STK25: variants seen among roughly 807,000 people sequenced by gnomAD.
STK25 encodes the protein serine/threonine kinase 25, also known as serine/threonine-protein kinase 25.
In STK25, 29 loss-of-function variants were observed where a neutral mutation model predicts 53.8. That is an observed-to-expected ratio of 0.54 (90% CI 0.40 to 0.74). The LOEUF (loss-of-function observed/expected upper bound fraction) is 0.74, where lower values mean the gene tolerates loss of function less well. Among genes scored for constraint, STK25 ranks in the 30% least tolerant of loss-of-function variants. The pLI, the probability that STK25 is intolerant of heterozygous loss-of-function variation, is 0.00. For missense variants in STK25, 420 were observed against 568.0 expected (o/e 0.74, Z 2.65); for synonymous variants, 247 against 238.3 (o/e 1.04, Z -0.33).
chr2:241,506,158 A>G (rs2065814420), intron 2 of STK25, among the ~76,000 whole-genome samples: 1 of 152,178 alleles, frequency 6.6e-6, no homozygotes, highest in Admixed American at 6.5e-5. Flanking sequence ...TATGGGGGGA[A>G]CGCGCCCCAC....
chr2:241,504,991 A>G (rs2065737480), intron 2 of STK25, among the ~76,000 whole-genome samples: 3 of 149,712 alleles, frequency 2.0e-5, no homozygotes, highest in South Asian at 4.2e-4. Context: ...ATCTCGGCTC[A>G]CTGCAACCTC....
intron 8 of STK25, 71 bp downstream of exon 8, chr2:241,498,568 C>A: frequency 6.5e-7 from 1 of 1,545,476 alleles, no homozygotes; most frequent in Non-Finnish European, 8.8e-7. Context: ...GGCCCACGCC[C>A]CTGCTTCTGG....
rs35602166 is a variant in STK25 at position 241,495,488 on chromosome 2, T to C, written c.*174A>G. 6.3e-3 allele frequency: 4,180 copies of C among 661,320 alleles called. 20 individuals are homozygous for C. Among genetic ancestry groups the C allele is most frequent in the Non-Finnish European group, 7.3e-3 (2,690 of 369,190 alleles). The allele number at this position is 661,320 out of a possible 1,614,324, so 41.0% of individuals were successfully genotyped here. ...GTCCCTGACGTGCACAACAGCACACTGCAGGGGTGGAAGGAGACGGTGACC... is the reference window on the plus strand; with the variant it reads ...GTCCCTGACGTGCACAACAGCACACCGCAGGGGTGGAAGGAGACGGTGACC... On this transcript the variant is annotated 3_prime_UTR_variant, in exon 12 of 12. Coordinates refer to ENST00000316586, the MANE Select transcript of STK25 (RefSeq NM_001271977.2).
At chr2:241,507,707 G>A (rs1218535649) in intron 2 of STK25, among the ~76,000 whole-genome samples, 1 of 152,346 alleles carries the variant, frequency 6.6e-6, no homozygotes, top group East Asian at 1.9e-4. Flanking sequence ...TGGGGGCAGC[G>A]CCCCGTCCCT....
In STK25 at chr2:241,497,700, G is replaced by A; in HGVS notation, c.1033-13C>T. 6.2e-7 allele frequency: 1 copy of A among 1,613,050 alleles called. No individual in the cohort carries two copies. Among genetic ancestry groups the A allele is most frequent in the East Asian group, 2.2e-5 (1 of 44,882 alleles). On this transcript the variant is annotated splice_polypyrimidine_tract_variant and intron_variant, in intron 9 of 11. Transcript: ENST00000316586. ...CGGGCTCCGCAGGCTGCAAAGGAGT[G>A]GAGGCCCAGGGTGAGCAGGGCAGTG...
chr2:241,506,493 C>T lies in STK25; in HGVS notation c.30+1513G>A, dbSNP rs35993625. On this transcript the variant is annotated intron_variant, in intron 2 of 11. Coordinates refer to ENST00000316586, the MANE Select transcript of STK25 (RefSeq NM_001271977.2). ...TCTTAAAAATAAACTGGTGGCCGAG[C>T]GCGGTGGCTCATGCCTGTAATCCCA... 3.0e-3 allele frequency among the ~76,000 whole-genome samples: 458 copies of T among 152,290 alleles called. 7 individuals are homozygous for T. In the East Asian group the frequency reaches 0.056, roughly 19 times the overall value.
chr2:241,499,616 C>T (rs1191954392), intron 5 of STK25: 2 of 635,966 alleles, frequency 3.1e-6, no homozygotes, highest in Non-Finnish European at 2.7e-6. Flanking sequence ...CCAACGGCTC[C>T]ACTCCGAGCT....
At chr2:241,508,315 C>T in intron 1 of STK25, 128 bp downstream of exon 1, 2 of 1,242,620 alleles carry the variant, frequency 1.6e-6, no homozygotes, top group Non-Finnish European at 2.0e-6. Context: ...TCGCCGCCCC[C>T]ACCTCTTCCA....
chr2:241,509,044 C>T (rs892558306), upstream of STK25, among the ~76,000 whole-genome samples: 2 of 152,252 alleles, frequency 1.3e-5, no homozygotes, highest in African/African-American at 4.8e-5. Context: ...AGGCTTCTAG[C>T]CTTGTCGTCA....
chr2:241,498,358 G>A lies in STK25; in HGVS notation c.918-9C>T. On this transcript the variant is annotated splice_polypyrimidine_tract_variant and intron_variant, in intron 8 of 11. Transcript: ENST00000316586. ...CCTCCGCCTCGCCATCACTGAAGAGGATGAGGAGTTGCCAGGGCCAGTGGG... is the reference window on the plus strand; with the variant it reads ...CCTCCGCCTCGCCATCACTGAAGAGAATGAGGAGTTGCCAGGGCCAGTGGG... 4.5e-6 allele frequency: 7 copies of A among 1,571,606 alleles called. No individual in the cohort carries two copies. The highest frequency in any genetic ancestry group is 6.1e-6 in the Non-Finnish European group (7 of 1,152,792).
chr2:241,508,107 G>C lies in STK25; in HGVS notation c.-72C>G, dbSNP rs1031169239. ...GGATCCCGCGGAGAGGCGCGGAGCCGGCTAGCTCGCCCCTGCGGCGTCAGT... is the reference window on the plus strand; with the variant it reads ...GGATCCCGCGGAGAGGCGCGGAGCCCGCTAGCTCGCCCCTGCGGCGTCAGT... On this transcript the variant is annotated 5_prime_UTR_variant, in exon 2 of 12. Transcript: ENST00000316586. 246 of 1,544,106 alleles carry C rather than the reference G, an allele frequency of 1.6e-4. No homozygotes were observed. Among genetic ancestry groups the C allele is most frequent in the Non-Finnish European group, 2.0e-4 (233 of 1,146,070 alleles).
In STK25 at chr2:241,499,253, C is replaced by T. The variant is rs1412611353; in HGVS notation, c.585+4G>A. On this transcript the variant is annotated splice_donor_region_variant and intron_variant, in intron 6 of 11. Coordinates refer to ENST00000316586, the MANE Select transcript of STK25 (RefSeq NM_001271977.2). ...GCCCGCACCTGCCCGCCCGCTGCAC[C>T]CACCTTGAAGTCGTAGGCCGACTGC... 3 of 1,613,872 alleles carry T rather than the reference C, an allele frequency of 1.9e-6. No homozygotes were observed. The highest frequency in any genetic ancestry group is 2.5e-6 in the Non-Finnish European group (3 of 1,179,874).
chr2:241,494,194 A>C lies in STK25; in HGVS notation c.*1468T>G, dbSNP rs2065040816. 2 of 958,928 alleles carry C rather than the reference A, an allele frequency of 2.1e-6. No individual in the cohort carries two copies. The highest frequency in any genetic ancestry group is 3.1e-5 in the Admixed American group (1 of 32,564). The allele number at this position is 958,928 out of a possible 1,614,324, so 59.4% of individuals were successfully genotyped here. ...GGACACAGAGGTGACCTCTGTCCTG[A>C]GGCTTCTCAACAGATGGGAAGTGGC... On this transcript the variant is annotated 3_prime_UTR_variant, in exon 12 of 12. Coordinates refer to ENST00000316586, the MANE Select transcript of STK25 (RefSeq NM_001271977.2). The surrounding 1 kb of genome is among the most constrained non-coding windows in gnomAD (Gnocchi z 4.9).
In STK25 at chr2:241,496,875, C is replaced by T. The variant is rs2065200843; in HGVS notation, c.1105-341G>A. 6.6e-6 allele frequency among the ~76,000 whole-genome samples: 1 copy of T among 152,198 alleles called. No individual in the cohort carries two copies. The highest frequency in any genetic ancestry group is 1.5e-5 in the Non-Finnish European group (1 of 68,028). The stretch of plus-strand genomic sequence containing the variant: ...TCTAATCAGACCCAAAAACACGAAG[C>T]CCAGAAACCCCCAAAGCACACGGCA... On this transcript the variant is annotated intron_variant, in intron 10 of 11. Transcript: ENST00000316586. This position sits in a 1 kb window ranked among gnomAD's most constrained non-coding sequence, Gnocchi z 5.8.
intron 4 of STK25, 41 bp downstream of exon 4, chr2:241,500,698 CG>C: frequency 6.2e-7 from 1 of 1,604,996 alleles, no homozygotes; most frequent in East Asian, 2.2e-5. Flanking sequence ...GCAGGGGACT[CG>C]GACACTGCAT....
chr2:241,498,866 G>A (rs756775904), intron 7 of STK25, 82 bp from the exon 8 acceptor site: 127 of 1,605,708 alleles, frequency 7.9e-5, no homozygotes, highest in African/African-American at 2.9e-4. Context: ...AGCCTGGACC[G>A]GGGCGGGCCC....
In STK25 at chr2:241,496,764, C is replaced by T. The variant is rs981919567; in HGVS notation, c.1105-230G>A. 9.9e-5 allele frequency among the ~76,000 whole-genome samples: 15 copies of T among 152,268 alleles called. No homozygotes were observed. The highest frequency in any genetic ancestry group is 3.4e-3 in the Middle Eastern group (1 of 294). ...CCCCACAGCACCTACCTTCCCCCTA[C>T]ACTCCGGGGAATCTCGGACCTCGGT... On this transcript the variant is annotated intron_variant, in intron 10 of 11. Coordinates refer to ENST00000316586, the MANE Select transcript of STK25 (RefSeq NM_001271977.2). The surrounding 1 kb of genome is among the most constrained non-coding windows in gnomAD (Gnocchi z 5.8).
intron 2 of STK25, among the ~76,000 whole-genome samples, chr2:241,506,636 G>A (rs1313564397): frequency 6.6e-6 from 1 of 152,118 alleles, no homozygotes; most frequent in Non-Finnish European, 1.5e-5. Context: ...GCATGGTGGC[G>A]CATGCCTGTA....
intron 2 of STK25, among the ~76,000 whole-genome samples, chr2:241,506,728 T>C (rs1033671367): frequency 9.9e-5 from 15 of 152,054 alleles, no homozygotes; most frequent in African/African-American, 3.4e-4. Context: ...GATTGCACCA[T>C]TGCACTCCAA....
Sources: gnomAD v4.1 joint callset for allele counts (sites outside exome capture counted in the v4.1 genomes callset) on GRCh38, gnomAD v4.1.1 for gene constraint, Gnocchi (gnomAD v3.1) non-coding constraint, MANE v1.5 for transcripts, NCBI Gene and HGNC (gene_info 2026-07-23, HGNC 2026-07-21) for gene names.